Variants in LINGO3 observed in about 807,000 individuals in gnomAD.
The protein encoded by LINGO3 is leucine-rich repeat and immunoglobulin-like domain-containing nogo receptor-interacting protein 3.
For synonymous variants in LINGO3, 427 were observed against 444.2 expected (o/e 0.96, Z 0.49); for missense variants, 750 against 867.7 (o/e 0.86, Z 1.70).
At chr19:2,307,654 C>T in the LINGO3 span, among the ~76,000 whole-genome samples, 1 of 152,238 alleles carries the variant, frequency 6.6e-6, no homozygotes, top group Non-Finnish European at 1.5e-5. Context: ...TCCGCACCCC[C>T]AGGCTGGACC....
chr19:2,296,948 C>T (rs1440653007), upstream of LINGO3, among the ~76,000 whole-genome samples: 3 of 151,520 alleles, frequency 2.0e-5, no homozygotes, highest in East Asian at 2.0e-4. Context: ...AAAAATTAGC[C>T]GGGCGTGGTG....
chr19:2,298,666 G>A, the LINGO3 span, among the ~76,000 whole-genome samples: 2 of 151,072 alleles, frequency 1.3e-5, no homozygotes, highest in Non-Finnish European at 2.9e-5. Flanking sequence ...TCAGCCTCCC[G>A]AGTAGCTGGG....
At chr19:2,305,389 C>G in the LINGO3 span, among the ~76,000 whole-genome samples, 1 of 152,060 alleles carries the variant, frequency 6.6e-6, no homozygotes, top group African/African-American at 2.4e-5. Context: ...GCTCTTAGCT[C>G]AAGGAGAAGG....
chr19:2,299,039 C>T, the LINGO3 span, among the ~76,000 whole-genome samples: 2 of 152,162 alleles, frequency 1.3e-5, no homozygotes, highest in African/African-American at 2.4e-5. Flanking sequence ...TCGCCTGTCA[C>T]GGTATAGGTA....
the LINGO3 span, among the ~76,000 whole-genome samples, chr19:2,301,927 CAAAAAAAAAA>C: frequency 2.8e-5 from 1 of 35,276 alleles, no homozygotes; most frequent in East Asian, 7.5e-4. Context: ...GACTCCATCT[CAAAAAAAAAA>C]AAAAAAAAAA....
At chr19:2,300,247 G>C in the LINGO3 span, among the ~76,000 whole-genome samples, 7 of 151,432 alleles carry the variant, frequency 4.6e-5, no homozygotes, top group East Asian at 1.4e-3. Context: ...GGCCAGGCTG[G>C]TCTCGAACTC....
the LINGO3 span, among the ~76,000 whole-genome samples, chr19:2,307,226 G>A: frequency 1.3e-5 from 2 of 152,246 alleles, no homozygotes; most frequent in South Asian, 4.1e-4. Flanking sequence ...GGGACCGCTT[G>A]CTAAAATGCA....
At position 2,290,873 on chromosome 19, in the gene LINGO3, C is replaced by A; in HGVS notation, c.904G>T (p.Ala302Ser). 1 of 1,611,338 alleles carries A rather than the reference C, an allele frequency of 6.2e-7. No homozygotes were observed. Among genetic ancestry groups the A allele is most frequent in the Non-Finnish European group, 8.5e-7 (1 of 1,179,142 alleles). The change falls in exon 1 of 1, where the codon GCC becomes TCC. Residue 302 changes from alanine (A) to serine (S), a missense_variant. Coordinates refer to ENST00000585527, the Ensembl canonical transcript of LINGO3. The surrounding 1 kb of genome is among the most constrained non-coding windows in gnomAD (Gnocchi z 6.0). The stretch of plus-strand genomic sequence containing the variant: ...TCCACCACAGCCAGCAGGGCCCCGG[C>A]CAGGTGCAGCTCGCGCAGGCGGACC...
At position 2,291,876 on chromosome 19, in the gene LINGO3, C is replaced by T. The variant is rs569272438; in HGVS notation, c.-100G>A. On this transcript the variant is annotated 5_prime_UTR_variant, in exon 1 of 1. Transcript: ENST00000585527. ...TAGCACCGTTAGCACCCCTCCGCGG[C>T]GCCTCTGCCGCCAGCCCGCCCCTAA... 6.4e-5 allele frequency: 67 copies of T among 1,044,638 alleles called. No homozygotes were observed. In the South Asian group the frequency reaches 8.5e-4, roughly 13 times the overall value. The allele number at this position is 1,044,638 out of a possible 1,614,324, so 64.7% of individuals were successfully genotyped here.
At chr19:2,306,727 G>T in the LINGO3 span, among the ~76,000 whole-genome samples, 1 of 152,256 alleles carries the variant, frequency 6.6e-6, no homozygotes, top group African/African-American at 2.4e-5. Flanking sequence ...GCAGGGCAGG[G>T]AAGGCTGAGT....
upstream of LINGO3, among the ~76,000 whole-genome samples, chr19:2,296,953 G>A (rs1043597624): frequency 2.0e-5 from 3 of 151,660 alleles, no homozygotes; most frequent in African/African-American, 7.3e-5. Context: ...TTAGCCGGGC[G>A]TGGTGGCGGG....
At chr19:2,288,855 G>T (rs190521001), downstream of LINGO3, among the ~76,000 whole-genome samples, 187 of 152,266 alleles carry the variant, frequency 1.2e-3, no homozygotes, top group African/African-American at 4.2e-3. The surrounding 1 kb of genome is among the most constrained non-coding windows in gnomAD (Gnocchi z 6.5). Flanking sequence ...CCTGTCCCAG[G>T]TGTGAACTGA....
upstream of LINGO3, chr19:2,292,115 G>A (rs956539638): frequency 4.7e-5 from 16 of 342,354 alleles, no homozygotes; most frequent in Admixed American, 2.1e-4. Flanking sequence ...TTGGGCCCAG[G>A]AGGTGGAGGC....
chr19:2,290,899 AGGTCCC>A lies in LINGO3; in HGVS notation c.872_877del (p.Arg291_Asp292del). The A allele has an allele frequency of 6.2e-7, 1 of 1,611,204 alleles. No individual in the cohort carries two copies. The highest frequency in any genetic ancestry group is 1.1e-5 in the South Asian group (1 of 90,950). On this transcript the variant is annotated inframe_deletion, in exon 1 of 1. Coordinates refer to ENST00000585527, the Ensembl canonical transcript of LINGO3. The surrounding 1 kb of genome is among the most constrained non-coding windows in gnomAD (Gnocchi z 6.0). The stretch of plus-strand genomic sequence containing the variant: ...CAGGTGCAGCTCGCGCAGGCGGACC[AGGTCCC>A]GGAACGACCCCCGCGGCACCGTGCT...
upstream of LINGO3, among the ~76,000 whole-genome samples, chr19:2,296,019 C>T (rs1233409424): frequency 6.6e-6 from 1 of 152,100 alleles, no homozygotes; most frequent in Non-Finnish European, 1.5e-5. Context: ...GGGCATGCCC[C>T]CCCCAACCCC....
upstream of LINGO3, among the ~76,000 whole-genome samples, chr19:2,295,517 T>C (rs35153284): frequency 0.023 from 3,429 of 152,204 alleles, 79 homozygotes; most frequent in Non-Finnish European, 0.031. Flanking sequence ...GGTGGATCAC[T>C]TGAGGTCAGG....
rs1246628283 is a variant in LINGO3 at position 2,290,790 on chromosome 19, C to T, written c.987G>A (p.Leu329=). ...AGGTGCTCTCCTCCAACGTGGAGAG[C>T]AGGTTGTTGGAGAGGTTGAGCAGGC... is the stretch of plus-strand genomic sequence containing the variant. The change falls in exon 1 of 1, where the codon CTG becomes CTA. Residue 329 remains leucine (L), a synonymous_variant. Transcript: ENST00000585527. This position sits in a 1 kb window ranked among gnomAD's most constrained non-coding sequence, Gnocchi z 6.0. The T allele has an allele frequency of 5.0e-6, 8 of 1,612,694 alleles. No individual in the cohort carries two copies. The highest frequency in any genetic ancestry group is 6.8e-6 in the Non-Finnish European group (8 of 1,179,644).
At chr19:2,299,052 A>G in the LINGO3 span, among the ~76,000 whole-genome samples, 1 of 152,200 alleles carries the variant, frequency 6.6e-6, no homozygotes, top group East Asian at 1.9e-4. Flanking sequence ...TATAGGTACA[A>G]GAGCCCTCCG....
chr19:2,297,371 CT>C, the LINGO3 span, among the ~76,000 whole-genome samples: 208 of 142,238 alleles, frequency 1.5e-3, no homozygotes, highest in Admixed American at 1.7e-3. Flanking sequence ...GTGGCATGAT[CT>C]CTGTTCACTG....
Sources: allele counts gnomAD v4.1 joint callset (sites outside exome capture counted in the v4.1 genomes callset), GRCh38; gene constraint gnomAD v4.1.1; non-coding constraint Gnocchi (gnomAD v3.1); transcripts MANE v1.5; gene names NCBI Gene and HGNC (gene_info 2026-07-23, HGNC 2026-07-21).